DPH6: variants seen among roughly 807,000 people sequenced by gnomAD.
DPH6 encodes diphthine--ammonia ligase.
DPH6 carries 33 observed loss-of-function variants against 38.2 expected under a neutral mutation model. The observed-to-expected ratio is 0.86, with a 90% CI of 0.65 to 1.15. The LOEUF is 1.15. Ranked by LOEUF, DPH6 falls within the 50% of genes most tolerant of loss-of-function variation. DPH6 has a pLI of 0.00. For missense variants in DPH6, 325 were observed against 320.0 expected (o/e 1.02, Z -0.12); for synonymous variants, 108 against 103.0 (o/e 1.05, Z -0.30).
At chr15:35,379,162 C>G (rs922336398) in intron 7 of DPH6, among the ~76,000 whole-genome samples, 1 of 152,200 alleles carries the variant, frequency 6.6e-6, no homozygotes, top group Non-Finnish European at 1.5e-5. Flanking sequence ...TCGGACCCTT[C>G]TGCCTCTTTC....
At chr15:35,494,407 T>C (rs2054522151) in intron 3 of DPH6, among the ~76,000 whole-genome samples, 1 of 152,104 alleles carries the variant, frequency 6.6e-6, no homozygotes, top group Non-Finnish European at 1.5e-5. Context: ...GTCATTTCTA[T>C]TATTAACTGA....
At chr15:35,428,107 T>G (rs546869916) in intron 5 of DPH6, among the ~76,000 whole-genome samples, 1 of 152,114 alleles carries the variant, frequency 6.6e-6, no homozygotes, top group African/African-American at 2.4e-5. Flanking sequence ...CGAGTTTAAT[T>G]TTCTCATCAC....
chr15:35,309,401 AGAATGACT>A (rs2052121305), intron 3 of DPH6, among the ~76,000 whole-genome samples: 1 of 152,248 alleles, frequency 6.6e-6, no homozygotes, highest in African/African-American at 2.4e-5. Context: ...TAGCACAGGT[AGAATGACT>A]GATTGTGGCA....
At chr15:35,518,824 C>A (rs2054882635) in intron 3 of DPH6, among the ~76,000 whole-genome samples, 1 of 151,972 alleles carries the variant, frequency 6.6e-6, no homozygotes, top group African/African-American at 2.4e-5. Context: ...ATAAAGTTAC[C>A]ATTTGAGCAT....
At chr15:35,367,509 A>G (rs1434121890), downstream of DPH6, among the ~76,000 whole-genome samples, 1 of 151,840 alleles carries the variant, frequency 6.6e-6, no homozygotes, top group African/African-American at 2.4e-5. Flanking sequence ...CAAGCCTGTC[A>G]CTGCAGTGAT....
At chr15:35,256,943 A>G (rs2051712100) in intron 3 of DPH6, among the ~76,000 whole-genome samples, 1 of 152,198 alleles carries the variant, frequency 6.6e-6, no homozygotes, top group Admixed American at 6.6e-5. Flanking sequence ...AAGAGAACAT[A>G]AAGAAGACTA....
chr15:35,416,800 T>G (rs908113510), intron 5 of DPH6, among the ~76,000 whole-genome samples: 1 of 152,060 alleles, frequency 6.6e-6, no homozygotes, highest in African/African-American at 2.4e-5. Flanking sequence ...TGCAGACTGT[T>G]CATAGAATAT....
chr15:35,269,732 C>T (rs1275756721), intron 3 of DPH6, among the ~76,000 whole-genome samples: 3 of 150,110 alleles, frequency 2.0e-5, no homozygotes, highest in Non-Finnish European at 4.4e-5. Context: ...CCACCGCGCC[C>T]GGCCAGGACT....
the DPH6 span, among the ~76,000 whole-genome samples, chr15:35,188,717 C>A: frequency 2.6e-5 from 4 of 152,124 alleles, no homozygotes; most frequent in Admixed American, 1.3e-4. Flanking sequence ...ACTTTGGTGA[C>A]ACATGACTCA....
intron 3 of DPH6, among the ~76,000 whole-genome samples, chr15:35,276,647 C>A (rs542186151): frequency 6.6e-6 from 1 of 152,294 alleles, no homozygotes; most frequent in East Asian, 1.9e-4. Context: ...CATTATTCTA[C>A]ATGTGGCTAG....
chr15:35,432,922 C>T (rs2053650295), intron 5 of DPH6, among the ~76,000 whole-genome samples: 3 of 152,008 alleles, frequency 2.0e-5, no homozygotes, highest in South Asian at 4.2e-4. Context: ...ACTATCTGGG[C>T]GTAAATGACT....
intron 5 of DPH6, among the ~76,000 whole-genome samples, chr15:35,436,332 G>A (rs896356524): frequency 1.3e-5 from 2 of 151,624 alleles, no homozygotes; most frequent in Non-Finnish European, 2.9e-5. Context: ...TGGGCGTGGT[G>A]GTGGGCGCCT....
At chr15:35,243,336 A>T (rs2051613788) in intron 3 of DPH6, among the ~76,000 whole-genome samples, 1 of 140,390 alleles carries the variant, frequency 7.1e-6, no homozygotes. Flanking sequence ...CCCCCCAAAA[A>T]TTTTCGCCGC....
At chr15:35,434,951 T>G (rs1458141803) in intron 5 of DPH6, among the ~76,000 whole-genome samples, 1 of 151,754 alleles carries the variant, frequency 6.6e-6, no homozygotes, top group African/African-American at 2.4e-5. Flanking sequence ...TTTTTTTTTT[T>G]TTTGTACAGA....
At chr15:35,186,033 C>T in the DPH6 span, among the ~76,000 whole-genome samples, 1 of 152,076 alleles carries the variant, frequency 6.6e-6, no homozygotes, top group Non-Finnish European at 1.5e-5. Context: ...TGCGCCCGGC[C>T]CCCAGTCCAC....
chr15:35,313,770 G>A (rs2052164255), intron 3 of DPH6, among the ~76,000 whole-genome samples: 1 of 152,038 alleles, frequency 6.6e-6, no homozygotes, highest in African/African-American at 2.4e-5. Flanking sequence ...TGTGCACAGG[G>A]CTATTCATAC....
intron 3 of DPH6, among the ~76,000 whole-genome samples, chr15:35,295,919 A>T (rs984461329): frequency 1.3e-5 from 2 of 151,508 alleles, no homozygotes; most frequent in Admixed American, 1.3e-4. Context: ...TGTCTATTTT[A>T]TTTTATTTTA....
intron 3 of DPH6, among the ~76,000 whole-genome samples, chr15:35,236,818 A>C (rs906257463): frequency 2.6e-5 from 4 of 152,188 alleles, no homozygotes; most frequent in African/African-American, 9.7e-5. Context: ...GCTTTAATTC[A>C]ATCTGTAATC....
rs928077274 is a variant in DPH6 at position 35,416,091 on chromosome 15, T to C, written c.506-5195A>G. Among the ~76,000 whole-genome samples the C allele has an allele frequency of 3.3e-5, 5 of 152,064 alleles. No individual in the cohort carries two copies. In the East Asian group the frequency reaches 5.8e-4, roughly 18 times the overall value. ...CCCCTGGGCCACACTGGAAGAAGAA[T>C]TGTCTTGGGCCACATATGAAATATA... is the stretch of plus-strand genomic sequence containing the variant. On this transcript the variant is annotated intron_variant, in intron 5 of 8. Coordinates refer to ENST00000256538, the MANE Select transcript of DPH6 (RefSeq NM_080650.4).
Sources: gnomAD v4.1 joint callset for allele counts (sites outside exome capture counted in the v4.1 genomes callset) on GRCh38, gnomAD v4.1.1 for gene constraint, MANE v1.5 for transcripts, NCBI Gene and HGNC (gene_info 2026-07-23, HGNC 2026-07-21) for gene names.